Variants in CRACD observed in about 807,000 individuals in gnomAD.
CRACD encodes capping protein inhibiting regulator of actin dynamics, also known as capping protein-inhibiting regulator of actin dynamics.
In CRACD, 56 loss-of-function variants were observed where a neutral mutation model predicts 106.8. That is an observed-to-expected ratio of 0.52 (90% CI 0.42 to 0.66). The LOEUF (loss-of-function observed/expected upper bound fraction) is 0.66, where lower values mean the gene tolerates loss of function less well. Among genes scored for constraint, CRACD ranks in the 30% least tolerant of loss-of-function variants. The probability of loss-of-function intolerance (pLI) is 0.00; values close to 1 mark genes in which losing one functional copy is unlikely to be tolerated. For synonymous variants in CRACD, 754 were observed against 670.8 expected (o/e 1.12, Z -1.92); for missense variants, 1,730 against 1,623.2 (o/e 1.07, Z -1.13).
intron 2 of CRACD, among the ~76,000 whole-genome samples, chr4:56,238,684 G>T (rs1740155912): frequency 6.6e-6 from 1 of 152,196 alleles, no homozygotes; most frequent in African/African-American, 2.4e-5. Context: ...GTACAGTGAT[G>T]AAAATAATTC....
At position 56,109,514 on chromosome 4, in the gene CRACD, G is replaced by GA. The variant is rs1734052088; in HGVS notation, c.-336+60220dup. ...CTGGAGCAGAAAAGGGTTATTAGGGGAAAAACTGGTGAAATCTGAATAGGT... is the reference window on the plus strand; with the variant it reads ...CTGGAGCAGAAAAGGGTTATTAGGGGAAAAAACTGGTGAAATCTGAATAGGT... On this transcript the variant is annotated intron_variant, in intron 1 of 10. Transcript: ENST00000682029. Among the ~76,000 whole-genome samples the GA allele has an allele frequency of 3.3e-5, 5 of 152,182 alleles. 1 individual carries two copies. In the South Asian group the frequency reaches 1.0e-3, roughly 32 times the overall value.
At chr4:56,138,395 C>T (rs748031392) in intron 1 of CRACD, among the ~76,000 whole-genome samples, 3 of 151,950 alleles carry the variant, frequency 2.0e-5, no homozygotes, top group Non-Finnish European at 2.9e-5. Flanking sequence ...ACTTGGGAGG[C>T]GGAAGTTGCA....
intron 1 of CRACD, among the ~76,000 whole-genome samples, chr4:56,094,237 C>T (rs1733519322): frequency 6.6e-6 from 1 of 152,044 alleles, no homozygotes; most frequent in African/African-American, 2.4e-5. Context: ...CTTTTGAATC[C>T]TTGCTGTCTC....
chr4:56,050,098 G>C (rs1255155029), intron 1 of CRACD: 4 of 151,784 alleles, frequency 2.6e-5, no homozygotes, highest in African/African-American at 9.7e-5. Context: ...TCTTGAGTTA[G>C]AGACATCGTA....
chr4:56,321,417 G>T (rs975606924), intron 8 of CRACD: 6 of 152,656 alleles, frequency 3.9e-5, no homozygotes, highest in African/African-American at 1.2e-4. Context: ...AAGGCATTTT[G>T]ACCCTTCCAG....
intron 2 of CRACD, among the ~76,000 whole-genome samples, chr4:56,190,044 C>T (rs1737299742): frequency 6.9e-6 from 1 of 145,096 alleles, no homozygotes; most frequent in Non-Finnish European, 1.5e-5. Context: ...TGTTCAATTC[C>T]CACCTATGAG....
chr4:56,092,703 G>A (rs2109822093), intron 1 of CRACD, among the ~76,000 whole-genome samples: 1 of 152,182 alleles, frequency 6.6e-6, no homozygotes, highest in African/African-American at 2.4e-5. Context: ...TTGGGCTCAA[G>A]TGATCCTCCC....
intron 2 of CRACD, among the ~76,000 whole-genome samples, chr4:56,184,340 G>C (rs1736993540): frequency 6.6e-6 from 1 of 152,170 alleles, no homozygotes; most frequent in Non-Finnish European, 1.5e-5. Context: ...CAAAGTGCTG[G>C]GTTTATAGGC....
intron 3 of CRACD, 52 bp from the exon 4 acceptor site, chr4:56,298,162 T>C: frequency 6.3e-7 from 1 of 1,575,310 alleles, no homozygotes; most frequent in Non-Finnish European, 8.6e-7. Flanking sequence ...AAAACTGAAT[T>C]GCCAAAAGAA....
At chr4:56,113,002 A>G (rs1410994872) in intron 1 of CRACD, among the ~76,000 whole-genome samples, 1 of 152,106 alleles carries the variant, frequency 6.6e-6, no homozygotes, top group Admixed American at 6.5e-5. Flanking sequence ...AAATTCCCAG[A>G]TAGACTTCAG....
In CRACD at chr4:56,267,893, T is replaced by G. The variant is rs575296529; in HGVS notation, c.-188-4428T>G. Among the ~76,000 whole-genome samples the G allele has an allele frequency of 2.3e-4, 35 of 152,318 alleles. 1 individual carries two copies. The South Asian group carries it at 7.1e-3, about 31-fold the overall frequency. ...AGGCTAGCTCTATAAATGGGCCACC[T>G]GAAGGAGGCCATTCTCTGCTGCCAA... On this transcript the variant is annotated intron_variant, in intron 2 of 10. Transcript: ENST00000682029.
chr4:56,284,673 C>A (rs1382712077), intron 3 of CRACD, among the ~76,000 whole-genome samples: 1 of 152,008 alleles, frequency 6.6e-6, no homozygotes, highest in Non-Finnish European at 1.5e-5. Context: ...TGCAGTGAGC[C>A]GAGATGGTGC....
At position 56,239,789 on chromosome 4, in the gene CRACD, C is replaced by G. The variant is rs572503554; in HGVS notation, c.-188-32532C>G. On this transcript the variant is annotated intron_variant, in intron 2 of 10. Transcript: ENST00000682029. ...CCGTGTCCTGGGACCCCCGCTCCCA[C>G]CCCCTGCCCCAGACTCTTATGTGTT... 4.6e-5 allele frequency among the ~76,000 whole-genome samples: 7 copies of G among 152,300 alleles called. No homozygotes were observed. In the South Asian group the frequency reaches 1.5e-3, roughly 32 times the overall value.
In CRACD at chr4:56,288,759, G is replaced by A. The variant is rs1021957607; in HGVS notation, c.-16-9455G>A. 4.0e-5 allele frequency among the ~76,000 whole-genome samples: 6 copies of A among 151,850 alleles called. No homozygotes were observed. The East Asian group carries it at 7.8e-4, about 20-fold the overall frequency. On this transcript the variant is annotated intron_variant, in intron 3 of 10. Transcript: ENST00000682029. ...GGCACACCTATTTACTTTTTCAGCCGTGTCTACACATAGATATGAGTCATA... is the reference window on the plus strand; with the variant it reads ...GGCACACCTATTTACTTTTTCAGCCATGTCTACACATAGATATGAGTCATA...
rs1393269199 is a variant in CRACD, at chr4:56,263,284, T to C, written c.-188-9037T>C. ...AGGTAGAAGAAAATGTGTAAAGGTGTGAAGGCACAGTTACAAAACAGCAGG... is the reference window on the plus strand; with the variant it reads ...AGGTAGAAGAAAATGTGTAAAGGTGCGAAGGCACAGTTACAAAACAGCAGG... On this transcript the variant is annotated intron_variant, in intron 2 of 10. Coordinates refer to ENST00000682029, the MANE Select transcript of CRACD (RefSeq NM_001393381.1). Among the ~76,000 whole-genome samples, 4 of 152,234 alleles carry C rather than the reference T, an allele frequency of 2.6e-5. No homozygotes were observed. The Middle Eastern group carries it at 0.01, about 388-fold the overall frequency.
In CRACD at chr4:56,158,708, G is replaced by A. The variant is rs554539920; in HGVS notation, c.-335-20576G>A. ...TGTGTGTCACAAGGTGACAGCAAAC[G>A]ACCACATCTGTCAGGGTGATGTCAC... On this transcript the variant is annotated intron_variant, in intron 1 of 10. Transcript: ENST00000682029. 2.6e-5 allele frequency among the ~76,000 whole-genome samples: 4 copies of A among 152,284 alleles called. No individual in the cohort carries two copies. The East Asian group carries it at 5.8e-4, about 22-fold the overall frequency.
At chr4:56,197,178 C>G (rs562357497) in intron 2 of CRACD, among the ~76,000 whole-genome samples, 5 of 151,706 alleles carry the variant, frequency 3.3e-5, no homozygotes, top group Non-Finnish European at 7.4e-5. Flanking sequence ...TTTATATTCC[C>G]ATTTTATTTT....
intron 4 of CRACD, among the ~76,000 whole-genome samples, chr4:56,300,360 G>A (rs1215883365): frequency 1.1e-3 from 11 of 9,994 alleles, no homozygotes; most frequent in Admixed American, 9.1e-3. Context: ...CCATAGTCCT[G>A]CCCTCAGGGC....
chr4:56,138,938 G>A lies in CRACD; in HGVS notation c.-335-40346G>A, dbSNP rs1449136574. On this transcript the variant is annotated intron_variant, in intron 1 of 10. Transcript: ENST00000682029. ...ATTTTAAAAAGCTCTGATTATTAGA[G>A]CCTCCAATAAGTATAACTTTAGTAG... is the stretch of plus-strand genomic sequence containing the variant. 1.1e-4 allele frequency among the ~76,000 whole-genome samples: 17 copies of A among 152,264 alleles called. No individual in the cohort carries two copies. In the East Asian group the frequency reaches 3.1e-3, roughly 28 times the overall value.
Sources: allele counts gnomAD v4.1 joint callset (sites outside exome capture counted in the v4.1 genomes callset), GRCh38; gene constraint gnomAD v4.1.1; transcripts MANE v1.5; gene names NCBI Gene and HGNC (gene_info 2026-07-23, HGNC 2026-07-21).